The following GCNT4 variants were observed in gnomAD, a reference collection of about 807,000 sequenced individuals.
The protein encoded by GCNT4 is beta-1,3-galactosyl-O-glycosyl-glycoprotein beta-1,6-N-acetylglucosaminyltransferase 4.
GCNT4 carries 17 observed loss-of-function variants against 31.3 expected under a neutral mutation model. That is an observed-to-expected ratio of 0.54 (90% CI 0.37 to 0.81). The LOEUF (loss-of-function observed/expected upper bound fraction) is 0.81, where lower values mean the gene tolerates loss of function less well. GCNT4 is among the 40% of genes least tolerant of loss of function. The pLI is 0.00. For missense variants in GCNT4, 503 were observed against 525.5 expected, an observed-to-expected ratio of 0.96 and a Z score of 0.42; for synonymous variants, 158 against 190.6, an observed-to-expected ratio of 0.83 and a Z score of 1.41.
At chr5:75,046,191 G>C (rs764629406) in intron 3 of GCNT4, among the ~76,000 whole-genome samples, 1 of 151,986 alleles carries the variant, frequency 6.6e-6, no homozygotes, top group Non-Finnish European at 1.5e-5. Context: ...CTGCCATTAT[G>C]TCTCTCTGAA....
Position 75,026,729 on chromosome 5 carries a change from C to T in GCNT4, c.*1947G>A, listed in dbSNP as rs1742954397. ...GTGCTCATTTCAAAGATCTGGAAAACTGAGGTTCATAGAGACCAAAGTGAC... is the reference window on the plus strand; with the variant it reads ...GTGCTCATTTCAAAGATCTGGAAAATTGAGGTTCATAGAGACCAAAGTGAC... On this transcript the variant is annotated 3_prime_UTR_variant, in exon 4 of 4. Coordinates refer to ENST00000652361, the MANE Select transcript of GCNT4 (RefSeq NM_001366737.1). 1 of 140,832 alleles carries T rather than the reference C, an allele frequency of 7.1e-6. No individual in the cohort carries two copies. Among genetic ancestry groups the T allele is most frequent in the African/African-American group, 2.7e-5 (1 of 37,598 alleles). 8.7% of individuals were successfully genotyped at this position (140,832 alleles called of 1,614,324 possible). A position where few individuals can be genotyped will look rare whatever the true frequency, so the allele number is the denominator to read the frequency against.
At chr5:75,041,755 CTT>C (rs1336294004) in intron 3 of GCNT4, among the ~76,000 whole-genome samples, 2 of 152,140 alleles carry the variant, frequency 1.3e-5, no homozygotes, top group Non-Finnish European at 2.9e-5. Context: ...AAACAGTAGA[CTT>C]GATTCTGGGC....
At chr5:75,041,634 A>G (rs1743321868) in intron 3 of GCNT4, among the ~76,000 whole-genome samples, 1 of 152,178 alleles carries the variant, frequency 6.6e-6, no homozygotes, top group Non-Finnish European at 1.5e-5. Flanking sequence ...GGATGTACAT[A>G]CCCACGCATA....
intron 2 of GCNT4, among the ~76,000 whole-genome samples, chr5:75,048,781 C>T (rs960313740): frequency 1.3e-5 from 2 of 152,308 alleles, no homozygotes; most frequent in South Asian, 2.1e-4. Flanking sequence ...CATCCCTCTG[C>T]TGGGTAGTAA....
intron 3 of GCNT4, among the ~76,000 whole-genome samples, chr5:75,032,884 T>TGG (rs1743100858): frequency 2.1e-5 from 2 of 93,110 alleles, no homozygotes; most frequent in Admixed American, 9.7e-5. Flanking sequence ...TGTGTGTGTG[T>TGG]GTGTGTGTGT....
At position 75,029,468 on chromosome 5, in the gene GCNT4, G is replaced by T. The variant is rs1387561849; in HGVS notation, c.570C>A (p.Ser190=). 2 of 1,613,946 alleles carry T rather than the reference G, an allele frequency of 1.2e-6. No individual in the cohort carries two copies. ...AKCFSNIFIA[S]KLEAVEYAHI... ...GGGCATATTCCACAGCCTCTAATTTGGAAGCAATGAAAATATTGGAGAAGC... is the reference window on the plus strand; with the variant it reads ...GGGCATATTCCACAGCCTCTAATTTTGAAGCAATGAAAATATTGGAGAAGC... The change falls in exon 4 of 4, where the codon TCC becomes TCA. Residue 190 remains serine, a synonymous_variant. Coordinates refer to ENST00000652361, the MANE Select transcript of GCNT4 (RefSeq NM_001366737.1).
intron 3 of GCNT4, among the ~76,000 whole-genome samples, chr5:75,044,593 T>C (rs1018510363): frequency 2.6e-5 from 4 of 151,912 alleles, no homozygotes; most frequent in African/African-American, 9.7e-5. Flanking sequence ...TGGTAAGGGA[T>C]CAAAAGCATT....
intron 3 of GCNT4, among the ~76,000 whole-genome samples, chr5:75,037,023 T>C (rs542004875): frequency 3.2e-4 from 49 of 152,210 alleles, no homozygotes; most frequent in African/African-American, 1.0e-3. Context: ...GTTTGAGAAA[T>C]AGGATATGAA....
chr5:75,038,400 A>G (rs1743246587), intron 3 of GCNT4, among the ~76,000 whole-genome samples: 1 of 152,352 alleles, frequency 6.6e-6, no homozygotes, highest in Non-Finnish European at 1.5e-5. Flanking sequence ...TCTAGCCATC[A>G]TTTAACCCCA....
chr5:75,053,347 C>T (rs917850903), upstream of GCNT4, among the ~76,000 whole-genome samples: 8 of 152,114 alleles, frequency 5.3e-5, no homozygotes, highest in African/African-American at 1.9e-4. Flanking sequence ...GAGGGCGCCC[C>T]CGCCTGCCGC....
At chr5:75,041,645 G>A (rs1168943678) in intron 3 of GCNT4, among the ~76,000 whole-genome samples, 2 of 152,146 alleles carry the variant, frequency 1.3e-5, no homozygotes, top group Admixed American at 6.5e-5. Flanking sequence ...CCCACGCATA[G>A]ACCTCTCAAG....
the GCNT4 span, among the ~76,000 whole-genome samples, chr5:75,018,702 G>C: frequency 1.3e-5 from 2 of 152,264 alleles, no homozygotes; most frequent in East Asian, 3.9e-4. Context: ...GGATTGACCA[G>C]AGCAAAAAAT....
chr5:75,049,261 A>G (rs1461210308), intron 2 of GCNT4, among the ~76,000 whole-genome samples: 1 of 152,176 alleles, frequency 6.6e-6, no homozygotes. Context: ...ATTTTCTGGC[A>G]TCTTATATGG....
At position 75,029,761 on chromosome 5, in the gene GCNT4, T is replaced by C; in HGVS notation, c.277A>G (p.Arg93Gly). The part of the protein sequence containing the change: ...EIGKSLEIRR[R>G]DIIDLEDDDV... ...TCATCCTCCAAGTCAATGATGTCCC[T>C]TCTTCTTATTTCCAGACTCTTTCCA... Residue 93 changes from arginine (R) to glycine (G), a missense_variant, in exon 4 of 4, where the codon AGG becomes GGG. Transcript: ENST00000652361. 1 of 1,614,184 alleles carries C rather than the reference T, an allele frequency of 6.2e-7. No individual in the cohort carries two copies. Among genetic ancestry groups the C allele is most frequent in the East Asian group, 2.2e-5 (1 of 44,876 alleles).
Position 75,029,233 on chromosome 5 carries a change from G to A in GCNT4, c.805C>T (p.His269Tyr), listed in dbSNP as rs774871408. The change falls in exon 4 of 4, where the codon CAT becomes TAT. Residue 269 changes from histidine (H) to tyrosine (Y), a missense_variant. Coordinates refer to ENST00000652361, the MANE Select transcript of GCNT4 (RefSeq NM_001366737.1). ...NSKLERFTYHHELRRVPYEYV... is the reference protein window; with the variant it reads ...NSKLERFTYHYELRRVPYEYV... ...TCATAAGGCACCCGTCTAAGTTCAT[G>A]ATGGTAAGTGAATCTTTCCAATTTA... is the stretch of plus-strand genomic sequence containing the variant. 47 of 1,613,996 alleles carry A rather than the reference G, an allele frequency of 2.9e-5. No homozygotes were observed. Among genetic ancestry groups the A allele is most frequent in the Non-Finnish European group, 3.9e-5 (46 of 1,180,024 alleles).
chr5:75,028,511 C>T lies in GCNT4; in HGVS notation c.*165G>A, dbSNP rs1742994234. 3.2e-6 allele frequency: 2 copies of T among 633,428 alleles called. No homozygotes were observed. Among genetic ancestry groups the T allele is most frequent in the South Asian group, 2.5e-5 (1 of 39,302 alleles). The allele number at this position is 633,428 out of a possible 1,614,324, so 39.2% of individuals were successfully genotyped here. A position where few individuals can be genotyped will look rare whatever the true frequency, so the allele number is the denominator to read the frequency against. ...TTAAAAAAACCTAGCCAACTGCAGGCTAATAACATCAAAGGCTAGATCACT... is the reference window on the plus strand; with the variant it reads ...TTAAAAAAACCTAGCCAACTGCAGGTTAATAACATCAAAGGCTAGATCACT... On this transcript the variant is annotated 3_prime_UTR_variant, in exon 4 of 4. Coordinates refer to ENST00000652361, the MANE Select transcript of GCNT4 (RefSeq NM_001366737.1).
rs576122401 is a variant in GCNT4 at position 75,043,349 on chromosome 5, G to C, written c.-2+4548C>G. ...GGGTTTTACATATGGCTCTGGTAGAGAGCCAGTTGCCTTCCAACATCCATC... is the reference window on the plus strand; with the variant it reads ...GGGTTTTACATATGGCTCTGGTAGACAGCCAGTTGCCTTCCAACATCCATC... On this transcript the variant is annotated intron_variant, in intron 3 of 3. Transcript: ENST00000652361. 1.6e-4 allele frequency among the ~76,000 whole-genome samples: 25 copies of C among 152,318 alleles called. No individual in the cohort carries two copies. The East Asian group carries it at 4.0e-3, about 25-fold the overall frequency.
At chr5:75,032,339 G>A (rs771849661) in intron 3 of GCNT4, among the ~76,000 whole-genome samples, 7 of 152,096 alleles carry the variant, frequency 4.6e-5, no homozygotes, top group Non-Finnish European at 1.0e-4. Flanking sequence ...ACCTGCAGTT[G>A]CTGGATGGAC....
intron 2 of GCNT4, among the ~76,000 whole-genome samples, chr5:75,048,955 G>A (rs777841453): frequency 6.6e-6 from 1 of 152,174 alleles, no homozygotes; most frequent in African/African-American, 2.4e-5. Flanking sequence ...GTTCCCAGGC[G>A]ATGCTGATGT....
Sources: allele counts gnomAD v4.1 joint callset (sites outside exome capture counted in the v4.1 genomes callset), GRCh38; gene constraint gnomAD v4.1.1; transcripts MANE v1.5; gene names NCBI Gene and HGNC (gene_info 2026-07-23, HGNC 2026-07-21).